Variants in INTS1 observed in about 807,000 individuals in gnomAD.
INTS1 encodes the protein integrator complex subunit 1.
Under a neutral mutation model 241.6 loss-of-function variants are expected in INTS1, and 137 were observed. The observed-to-expected ratio is 0.57, with a 90% CI of 0.49 to 0.65. INTS1 has a LOEUF of 0.65. Ranked by LOEUF, INTS1 falls within the 30% of genes least tolerant of loss-of-function variation. The probability of loss-of-function intolerance (pLI) is 0.00; values close to 1 mark genes in which losing one functional copy is unlikely to be tolerated. For synonymous variants in INTS1, 1,692 were observed against 1,337.8 expected (o/e 1.26, Z -5.78); for missense variants, 3,073 against 3,032.2 (o/e 1.01, Z -0.32).
rs539467083 is a variant in INTS1 at position 1,497,123 on chromosome 7, G to A, written c.1602+15C>T. 1.7e-5 allele frequency: 27 copies of A among 1,587,450 alleles called. No homozygotes were observed. Among genetic ancestry groups the A allele is most frequent in the Middle Eastern group, 1.7e-4 (1 of 5,962 alleles). ...CGCAGTGAGGGAAAGGCGCCCCAGC[G>A]GCGAGGGCTGGCACCTTGAACTCCA... On this transcript the variant is annotated intron_variant, in intron 11 of 47. Transcript: ENST00000404767. The surrounding 1 kb of genome is among the most constrained non-coding windows in gnomAD (Gnocchi z 5.3).
Position 1,502,367 on chromosome 7 carries a change from AG to A in INTS1, c.349+533del, listed in dbSNP as rs1252425568. ...GGGGCGATTCTAGGCACACAGTTAA[AG>A]GCATTTCTGCGAGAACGGGACAGTG... On this transcript the variant is annotated intron_variant, in intron 3 of 47. Transcript: ENST00000404767. 6.6e-5 allele frequency among the ~76,000 whole-genome samples: 10 copies of A among 152,236 alleles called. No homozygotes were observed. In the East Asian group the frequency reaches 1.7e-3, roughly 26 times the overall value.
At position 1,480,445 on chromosome 7, in the gene INTS1, C is replaced by T; in HGVS notation, c.3950-4G>A. On this transcript the variant is annotated splice_region_variant and splice_polypyrimidine_tract_variant and intron_variant, in intron 29 of 47. Transcript: ENST00000404767. ...GGTTTGGGTGCCTCTGTGCTGTCTG[C>T]AGAGACAGGAGAACTGTCAGTGGCT... is the stretch of plus-strand genomic sequence containing the variant. 6.2e-7 allele frequency: 1 copy of T among 1,611,978 alleles called. No homozygotes were observed.
Position 1,500,196 on chromosome 7 carries a change from T to G in INTS1, c.520A>C (p.Ile174Leu), listed in dbSNP as rs1562523012. The change falls in exon 4 of 48, where the codon ATC becomes CTC. Residue 174 changes from isoleucine to leucine, a missense_variant. Coordinates refer to ENST00000404767, the MANE Select transcript of INTS1 (RefSeq NM_001080453.3). The stretch of plus-strand genomic sequence containing the variant: ...TCAATGACGCCCTCAGTGGCGAAGA[T>G]GTTGGGCTTGATCTTGGCCAGGTAC... ...LMYLAKIKPN[I>L]FATEGVIEAL... 6 of 1,598,778 alleles carry G rather than the reference T, an allele frequency of 3.8e-6. No individual in the cohort carries two copies. Among genetic ancestry groups the G allele is most frequent in the African/African-American group, 1.3e-5 (1 of 74,742 alleles).
Position 1,485,329 on chromosome 7 carries a change from G to C in INTS1, c.3117C>G (p.Phe1039Leu), listed in dbSNP as rs200064072. The change falls in exon 23 of 48, where the codon TTC (phenylalanine) becomes TTG (leucine). Residue 1039 changes from phenylalanine (F) to leucine (L), a missense_variant. By Grantham distance (22) the Phe-to-Leu change is conservative. Transcript: ENST00000404767. ...LLRDLPRLPLFDSVRSTTALA... is the reference protein window; with the variant it reads ...LLRDLPRLPLLDSVRSTTALA... ...GGGCTGTGGTGCTCCTGACGCTGTCGAACAGAGGCAGGCGAGGCAGGTCCC... is the reference window on the plus strand; with the variant it reads ...GGGCTGTGGTGCTCCTGACGCTGTCCAACAGAGGCAGGCGAGGCAGGTCCC... The C allele has an allele frequency of 6.2e-7, 1 of 1,612,100 alleles. No individual in the cohort carries two copies. Among genetic ancestry groups the C allele is most frequent in the Admixed American group, 1.7e-5 (1 of 60,002 alleles).
Position 1,499,490 on chromosome 7 carries a change from G to C in INTS1, c.827C>G (p.Ala276Gly). ...VLLQGEAGRV[A>G]GDLGAGSSPH... The stretch of plus-strand genomic sequence containing the variant: ...TGTCTCACCTGCACCCAGGTCGCCC[G>C]CAACGCGGCCCGCCTCCCCCTGCAG... The change falls in exon 6 of 48, where the codon GCG becomes GGG. Residue 276 changes from alanine to glycine, a missense_variant. Transcript: ENST00000404767. 6.7e-7 allele frequency: 1 copy of C among 1,485,724 alleles called. No homozygotes were observed. The highest frequency in any genetic ancestry group is 9.1e-7 in the Non-Finnish European group (1 of 1,103,254). 92.0% of individuals were successfully genotyped at this position (1,485,724 alleles called of 1,614,324 possible). A position where few individuals can be genotyped will look rare whatever the true frequency, so the allele number is the denominator to read the frequency against.
In INTS1 at chr7:1,484,142, G is replaced by A; in HGVS notation, c.3290C>T (p.Ser1097Phe). The A allele has an allele frequency of 1.2e-6, 2 of 1,611,786 alleles. No individual in the cohort carries two copies. The highest frequency in any genetic ancestry group is 1.7e-6 in the Non-Finnish European group (2 of 1,179,662). The part of the protein sequence containing the change: ...LDVARLVVER[S>F]TIMSHLFSKL... Reference sequence around the variant, plus strand: ...CGAGAAGAGGTGGGACATGATGGTGGAGCGCTCCACGACCAGCCGGGCCAC... The same window carrying A: ...CGAGAAGAGGTGGGACATGATGGTGAAGCGCTCCACGACCAGCCGGGCCAC... The change falls in exon 25 of 48, where the codon TCC (serine) becomes TTC (phenylalanine). Residue 1097 changes from serine (S) to phenylalanine (F), a missense_variant. Coordinates refer to ENST00000404767, the MANE Select transcript of INTS1 (RefSeq NM_001080453.3).
rs1346494563 is a variant in INTS1, at chr7:1,471,192, C to A, written c.6288G>T (p.Glu2096Asp). 1.9e-6 allele frequency: 3 copies of A among 1,582,052 alleles called. No homozygotes were observed. Among genetic ancestry groups the A allele is most frequent in the African/African-American group, 1.3e-5 (1 of 74,284 alleles). Reference sequence around the variant, plus strand: ...TGAAGGCGAGGTTGCGGCAACACTCCTCGGCCGAGCTCATCAGCCGCTGCA... The same window carrying A: ...TGAAGGCGAGGTTGCGGCAACACTCATCGGCCGAGCTCATCAGCCGCTGCA... ...TNLQRLMSSA[E>D]ECCRNLAFSL... The change falls in exon 46 of 48, where the codon GAG becomes GAT. Residue 2096 changes from glutamate (E) to aspartate (D), a missense_variant. Coordinates refer to ENST00000404767, the MANE Select transcript of INTS1 (RefSeq NM_001080453.3).
intron 27 of INTS1, 164 bp downstream of exon 27, chr7:1,482,382 C>G (rs543174105): frequency 1.3e-4 from 84 of 629,518 alleles, no homozygotes; most frequent in Non-Finnish European, 1.9e-4. Context: ...GGGTCCAGCA[C>G]AGCCTGCTGT....
intron 16 of INTS1, among the ~76,000 whole-genome samples, chr7:1,491,212 G>A (rs933609321): frequency 2.0e-5 from 3 of 152,260 alleles, no homozygotes; most frequent in Admixed American, 2.0e-4. Context: ...AGCAGCAGCA[G>A]CACGAAGATG....
At chr7:1,480,267 C>T (rs370851787) in intron 30 of INTS1, 50 bp downstream of exon 30, 10 of 1,557,950 alleles carry the variant, frequency 6.4e-6, no homozygotes, top group Middle Eastern at 2.4e-4. Flanking sequence ...GAAGGCTGCA[C>T]GCAGGAAGAG....
chr7:1,473,542 TC>T (rs1307814258), intron 42 of INTS1, 23 bp downstream of exon 42: 2 of 1,571,472 alleles, frequency 1.3e-6, no homozygotes, highest in South Asian at 2.3e-5. Context: ...GCCCGAGGCT[TC>T]CCTGCAGCCC....
intron 45 of INTS1, 37 bp from the exon 46 acceptor site, chr7:1,471,261 G>A (rs1418337931): frequency 1.3e-6 from 2 of 1,540,940 alleles, no homozygotes; most frequent in Admixed American, 1.9e-5. Context: ...GTGACCAAGG[G>A]GTCCAGCCCC....
intron 33 of INTS1, among the ~76,000 whole-genome samples, chr7:1,478,139 C>T (rs1295696435): frequency 1.3e-5 from 2 of 151,722 alleles, no homozygotes; most frequent in Non-Finnish European, 2.9e-5. Context: ...GGGGCCGGGG[C>T]TCACTTTGCT....
intron 21 of INTS1, 53 bp downstream of exon 21, chr7:1,486,869 T>G: frequency 1.3e-6 from 2 of 1,545,398 alleles, no homozygotes; most frequent in Non-Finnish European, 1.7e-6. Context: ...TGGGTTGCCC[T>G]GACAGGGGTG....
At chr7:1,480,636 G>A (rs28430841) in intron 29 of INTS1, among the ~76,000 whole-genome samples, 195 bp from the exon 30 acceptor site, 2,985 of 152,278 alleles carry the variant, frequency 0.02, 103 homozygotes, top group African/African-American at 0.067. Context: ...GAACAGGAAC[G>A]TGCATGCTGG....
chr7:1,489,659 A>T lies in INTS1; in HGVS notation c.2189T>A (p.Ile730Asn). The change falls in exon 17 of 48, where the codon ATC (isoleucine) becomes AAC (asparagine). Residue 730 changes from isoleucine to asparagine, a missense_variant. By Grantham distance (149) the Ile-to-Asn change is moderately radical. Coordinates refer to ENST00000404767, the MANE Select transcript of INTS1 (RefSeq NM_001080453.3). ...PPGYQPPNLA[I>N]STLYWKAWPL... ...CCAGGCCTTCCAGTAGAGGGTAGAG[A>T]TGGCGAGGTTCGGAGGCTGGTACCT... The T allele has an allele frequency of 6.3e-7, 1 of 1,575,228 alleles. No homozygotes were observed. The highest frequency in any genetic ancestry group is 8.6e-7 in the Non-Finnish European group (1 of 1,158,898).
At chr7:1,479,004 C>G in intron 31 of INTS1, 119 bp from the exon 32 acceptor site, 1 of 1,132,774 alleles carries the variant, frequency 8.8e-7, no homozygotes, top group Non-Finnish European at 1.2e-6. Context: ...CACTTGGAGC[C>G]TGGGCCAACC....
chr7:1,476,394 A>T lies in INTS1; in HGVS notation c.5213T>A (p.Leu1738Gln). Residue 1738 changes from leucine (L) to glutamine (Q), a missense_variant, in exon 38 of 48, where the codon CTG becomes CAG. By Grantham distance (113) the Leu-to-Gln change is moderately radical (BLOSUM62 -2). Transcript: ENST00000404767. ...QGPELISLVE[L>Q]ILAEAETRSQ... ...CCGCGTCTCCGCCTCGGCCAGGATC[A>T]GCTCCACCAGGCTGATGAGCTCCGG... is the stretch of plus-strand genomic sequence containing the variant. 1 of 1,577,118 alleles carries T rather than the reference A, an allele frequency of 6.3e-7. No individual in the cohort carries two copies. The highest frequency in any genetic ancestry group is 8.6e-7 in the Non-Finnish European group (1 of 1,167,048).
intron 16 of INTS1, among the ~76,000 whole-genome samples, chr7:1,491,386 C>CCA (rs764732768): frequency 3.3e-5 from 5 of 152,124 alleles, no homozygotes; most frequent in Non-Finnish European, 5.9e-5. Flanking sequence ...AGCTGGATGG[C>CCA]CACACACACA....
Sources: allele counts gnomAD v4.1 joint callset (sites outside exome capture counted in the v4.1 genomes callset), GRCh38; gene constraint gnomAD v4.1.1; non-coding constraint Gnocchi (gnomAD v3.1); transcripts MANE v1.5; gene names NCBI Gene and HGNC (gene_info 2026-07-23, HGNC 2026-07-21).